CACNA2D1: variants seen among roughly 807,000 people sequenced by gnomAD.
CACNA2D1 encodes the protein calcium voltage-gated channel auxiliary subunit alpha2delta 1.
CACNA2D1 carries 53 observed loss-of-function variants against 171.5 expected under a neutral mutation model. The observed-to-expected ratio is 0.31, with a 90% CI of 0.25 to 0.39. The LOEUF is 0.39. CACNA2D1 is among the 10% of genes least tolerant of loss of function. The probability of loss-of-function intolerance (pLI) is 1.00; values close to 1 mark genes in which losing one functional copy is unlikely to be tolerated. For synonymous variants in CACNA2D1, 442 were observed against 443.1 expected (o/e 1.00, Z 0.03); for missense variants, 903 against 1,299.8 (o/e 0.69, Z 4.69).
chr7:81,980,172 C>CAAAAAAAAAAAAAAAAAAAAAAAAA (rs35616922), intron 24 of CACNA2D1, among the ~76,000 whole-genome samples: 1 of 25,252 alleles, frequency 4.0e-5, no homozygotes, highest in Non-Finnish European at 6.9e-5. Context: ...TAAAACCAAG[C>CAAAAAAAAAAAAAAAAAAAAAAAAA]AAAAAAAAAA....
intron 3 of CACNA2D1, among the ~76,000 whole-genome samples, chr7:82,184,737 C>T (rs563925503): frequency 1.3e-5 from 2 of 152,166 alleles, no homozygotes; most frequent in South Asian, 4.2e-4. Flanking sequence ...CAGTATACAT[C>T]ATGTTATTAA....
At chr7:82,080,927 T>C (rs900539116) in intron 7 of CACNA2D1, among the ~76,000 whole-genome samples, 1 of 152,216 alleles carries the variant, frequency 6.6e-6, no homozygotes, top group African/African-American at 2.4e-5. Context: ...ATGCCTACTG[T>C]TTCCTATTTT....
chr7:81,973,378 G>C (rs1309329736), intron 25 of CACNA2D1, among the ~76,000 whole-genome samples: 1 of 152,092 alleles, frequency 6.6e-6, no homozygotes, highest in Non-Finnish European at 1.5e-5. Flanking sequence ...GGTTTTCAGA[G>C]TGGCTCACTG....
At chr7:82,114,760 G>GAAAAAAA (rs34240770) in intron 6 of CACNA2D1, among the ~76,000 whole-genome samples, 9 of 103,080 alleles carry the variant, frequency 8.7e-5, no homozygotes, top group African/African-American at 1.7e-4. Context: ...CGTCCCAGAA[G>GAAAAAAA]AAAAAAAAAA....
chr7:82,060,052 C>T (rs1806434041), intron 10 of CACNA2D1, among the ~76,000 whole-genome samples: 2 of 105,666 alleles, frequency 1.9e-5, no homozygotes, highest in Non-Finnish European at 3.7e-5. Context: ...TGCTAAATGA[C>T]GAGTTAATAG....
chr7:82,119,492 CTT>C (rs1789467479), intron 5 of CACNA2D1, among the ~76,000 whole-genome samples: 1 of 152,126 alleles, frequency 6.6e-6, no homozygotes, highest in African/African-American at 2.4e-5. Context: ...AATGATAATT[CTT>C]TGACAGGTAC....
intron 1 of CACNA2D1, among the ~76,000 whole-genome samples, chr7:82,410,285 T>G (rs976722256): frequency 1.4e-4 from 21 of 152,224 alleles, no homozygotes; most frequent in African/African-American, 5.1e-4. Flanking sequence ...GATTTGAGAC[T>G]TTTACAATAT....
chr7:82,227,523 G>A (rs913639753), intron 3 of CACNA2D1, among the ~76,000 whole-genome samples: 1 of 152,146 alleles, frequency 6.6e-6, no homozygotes, highest in Non-Finnish European at 1.5e-5. Context: ...ATCAGTAATA[G>A]TGACTAGTTT....
chr7:82,189,742 G>A (rs1798110494), intron 3 of CACNA2D1, among the ~76,000 whole-genome samples: 1 of 151,650 alleles, frequency 6.6e-6, no homozygotes. Flanking sequence ...TAAGGGAGAA[G>A]AATACGGACA....
chr7:82,345,717 T>TGTGTG (rs1819170960), intron 2 of CACNA2D1, among the ~76,000 whole-genome samples: 4 of 150,526 alleles, frequency 2.7e-5, no homozygotes, highest in South Asian at 2.1e-4. Context: ...TGTGTGTGTG[T>TGTGTG]TTAGAAATAT....
In CACNA2D1 at chr7:82,012,254, G is replaced by GAAAAAAAAA; in HGVS notation, c.1273-20_1273-12dup. ...AACATCCAAATATTCCTGTTTATGG[G>GAAAAAAAAA]AAAAAAAAAAAAAGTCGTGGTTAAA... On this transcript the variant is annotated splice_polypyrimidine_tract_variant and intron_variant, in intron 14 of 38. Coordinates refer to ENST00000356860, the MANE Select transcript of CACNA2D1 (RefSeq NM_000722.4). The GAAAAAAAAA allele has an allele frequency of 3.3e-6, 4 of 1,223,358 alleles. No homozygotes were observed. Among genetic ancestry groups the GAAAAAAAAA allele is most frequent in the East Asian group, 2.5e-5 (1 of 40,604 alleles). The allele number at this position is 1,223,358 out of a possible 1,614,324, so 75.8% of individuals were successfully genotyped here.
intron 1 of CACNA2D1, among the ~76,000 whole-genome samples, chr7:82,401,408 G>C (rs993403268): frequency 6.7e-6 from 1 of 150,170 alleles, no homozygotes; most frequent in African/African-American, 2.5e-5. Flanking sequence ...CCTTTGTAGG[G>C]ACATGGATGA....
At chr7:82,224,801 T>C (rs1026157857) in intron 3 of CACNA2D1, among the ~76,000 whole-genome samples, 1 of 152,134 alleles carries the variant, frequency 6.6e-6, no homozygotes, top group Non-Finnish European at 1.5e-5. Context: ...AAATGTGCGA[T>C]GACAGATGAA....
At chr7:82,427,256 T>G (rs1000302969) in intron 1 of CACNA2D1, among the ~76,000 whole-genome samples, 4 of 152,176 alleles carry the variant, frequency 2.6e-5, no homozygotes, top group Non-Finnish European at 4.4e-5. Context: ...ATTTTTGCTT[T>G]CAGAAAGGAG....
chr7:82,171,314 CT>C (rs34895394), intron 3 of CACNA2D1, among the ~76,000 whole-genome samples: 10 of 151,970 alleles, frequency 6.6e-5, no homozygotes, highest in African/African-American at 1.7e-4. Flanking sequence ...TTTTTATAAA[CT>C]TTTTTTTCCC....
intron 3 of CACNA2D1, among the ~76,000 whole-genome samples, chr7:82,248,972 C>G (rs573261226): frequency 1.3e-5 from 2 of 152,154 alleles, no homozygotes; most frequent in South Asian, 4.1e-4. Flanking sequence ...AAAAAATTAG[C>G]TGGGCGTGGT....
intron 3 of CACNA2D1, among the ~76,000 whole-genome samples, chr7:82,281,887 A>C (rs1585323976): frequency 6.6e-6 from 1 of 152,146 alleles, no homozygotes; most frequent in Non-Finnish European, 1.5e-5. Context: ...GCAATAACTT[A>C]GGATGTTTTT....
chr7:82,030,035 G>C (rs1383441120), intron 12 of CACNA2D1: 1 of 151,742 alleles, frequency 6.6e-6, no homozygotes, highest in Non-Finnish European at 1.5e-5. Flanking sequence ...AATATAACTT[G>C]ATTTATTAGT....
intron 1 of CACNA2D1, among the ~76,000 whole-genome samples, chr7:82,361,030 A>T (rs1339400829): frequency 6.6e-6 from 1 of 152,218 alleles, no homozygotes; most frequent in Non-Finnish European, 1.5e-5. Context: ...TTCAAATATG[A>T]GATGGTAAAC....
Sources: allele counts gnomAD v4.1 joint callset (sites outside exome capture counted in the v4.1 genomes callset), GRCh38; gene constraint gnomAD v4.1.1; transcripts MANE v1.5; gene names NCBI Gene and HGNC (gene_info 2026-07-23, HGNC 2026-07-21).